SEC11A: variants seen among roughly 807,000 people sequenced by gnomAD.
The protein encoded by SEC11A is SEC11 homolog A, signal peptidase complex subunit, also known as signal peptidase complex catalytic subunit SEC11A.
Under a neutral mutation model 25.6 loss-of-function variants are expected in SEC11A, and 14 were observed. That is an observed-to-expected ratio of 0.55 (90% CI 0.36 to 0.85). The LOEUF is 0.85. Ranked by LOEUF, SEC11A falls within the 40% of genes least tolerant of loss-of-function variation. The pLI, the probability that SEC11A is intolerant of heterozygous loss-of-function variation, is 0.01. For missense variants in SEC11A, 153 were observed against 222.9 expected (o/e 0.69, Z 2.00); for synonymous variants, 83 against 76.4 (o/e 1.09, Z -0.45).
At chr15:84,713,720 A>G (rs1898362814) in intron 1 of SEC11A, among the ~76,000 whole-genome samples, 1 of 152,210 alleles carries the variant, frequency 6.6e-6, no homozygotes, top group African/African-American at 2.4e-5. Flanking sequence ...TAGAGCAGGA[A>G]GAGTACCTTA....
chr15:84,690,220 A>G (rs958059885), intron 2 of SEC11A, among the ~76,000 whole-genome samples: 1 of 152,166 alleles, frequency 6.6e-6, no homozygotes, highest in Admixed American at 6.6e-5. Context: ...TTCTAGTAAC[A>G]GTGAATAAGT....
chr15:84,699,244 G>A (rs1897853106), intron 1 of SEC11A, among the ~76,000 whole-genome samples: 1 of 150,292 alleles, frequency 6.7e-6, no homozygotes, highest in South Asian at 2.1e-4. Flanking sequence ...GAACCTGGGA[G>A]GCAGAGGTTG....
chr15:84,680,415 T>C (rs540592611), intron 4 of SEC11A, among the ~76,000 whole-genome samples: 1 of 152,276 alleles, frequency 6.6e-6, no homozygotes, highest in Admixed American at 6.5e-5. Context: ...AGGTGCCCAC[T>C]ATTTCTTGAG....
intron 1 of SEC11A, among the ~76,000 whole-genome samples, chr15:84,715,541 C>T (rs1481925591): frequency 1.3e-5 from 2 of 152,168 alleles, no homozygotes; most frequent in Non-Finnish European, 2.9e-5. Flanking sequence ...CAGCCCGCTA[C>T]GGTTCAGCTC....
chr15:84,695,422 C>T (rs1294833022), intron 1 of SEC11A, among the ~76,000 whole-genome samples: 1 of 151,194 alleles, frequency 6.6e-6, no homozygotes, highest in African/African-American at 2.4e-5. Context: ...GAGATCGCAC[C>T]ATTGCACTCC....
At position 84,691,659 on chromosome 15, in the gene SEC11A, C is replaced by A; in HGVS notation, c.52-15G>T. ...TGATAATAGAGCTGCAAGAACAAAA[C>A]AGAAGAGATCAGATCCACCATTATC... On this transcript the variant is annotated splice_polypyrimidine_tract_variant and intron_variant, in intron 1 of 5. Coordinates refer to ENST00000268220, the MANE Select transcript of SEC11A (RefSeq NM_014300.4). The A allele has an allele frequency of 7.1e-7, 1 of 1,404,846 alleles. No individual in the cohort carries two copies. Among genetic ancestry groups the A allele is most frequent in the South Asian group, 1.2e-5 (1 of 86,062 alleles). 87.0% of individuals were successfully genotyped at this position (1,404,846 alleles called of 1,614,324 possible).
chr15:84,690,295 C>T (rs1370084455), intron 2 of SEC11A, among the ~76,000 whole-genome samples: 3 of 152,130 alleles, frequency 2.0e-5, no homozygotes, highest in Admixed American at 6.6e-5. Context: ...TCTTGTCTGC[C>T]GCCATGTGAG....
chr15:84,703,432 C>T (rs954684850), intron 1 of SEC11A, among the ~76,000 whole-genome samples: 2 of 152,208 alleles, frequency 1.3e-5, no homozygotes, highest in African/African-American at 2.4e-5. Flanking sequence ...ACCCTGCTTC[C>T]TCTCTCATCT....
intron 1 of SEC11A, among the ~76,000 whole-genome samples, chr15:84,692,816 C>T (rs1897648511): frequency 6.6e-6 from 1 of 152,114 alleles, no homozygotes; most frequent in Non-Finnish European, 1.5e-5. Context: ...AGGACTGAAA[C>T]TGTGGATCTA....
intron 4 of SEC11A, chr15:84,671,839 G>A (rs1269127410): frequency 1.3e-5 from 2 of 152,048 alleles, no homozygotes; most frequent in Admixed American, 6.6e-5. Context: ...TTTCTCCCAG[G>A]GCTTAAATTC....
intron 3 of SEC11A, among the ~76,000 whole-genome samples, chr15:84,683,958 G>A (rs1475475207): frequency 1.3e-5 from 2 of 152,140 alleles, no homozygotes; most frequent in African/African-American, 4.8e-5. Flanking sequence ...TACTTCTAGG[G>A]AGATCAAAGA....
At chr15:84,703,749 A>G (rs1162302135) in intron 1 of SEC11A, among the ~76,000 whole-genome samples, 1 of 152,216 alleles carries the variant, frequency 6.6e-6, no homozygotes, top group African/African-American at 2.4e-5. Flanking sequence ...AGGGGACATC[A>G]CTGGAAAGTT....
intron 3 of SEC11A, 119 bp downstream of exon 3, chr15:84,687,506 G>T: frequency 1.5e-6 from 1 of 670,000 alleles, no homozygotes; most frequent in Non-Finnish European, 2.3e-6. Context: ...CATAAAAATG[G>T]ACTGGAAGAA....
chr15:84,670,257 TC>T (rs369173649), intron 5 of SEC11A, 188 bp from the exon 6 acceptor site: 17 of 470,246 alleles, frequency 3.6e-5, no homozygotes, highest in South Asian at 6.4e-5. Flanking sequence ...TAAATAATTT[TC>T]TTTTTTTTTT....
intron 2 of SEC11A, among the ~76,000 whole-genome samples, chr15:84,689,533 C>T (rs1195345195): frequency 6.6e-6 from 1 of 151,726 alleles, no homozygotes; most frequent in Non-Finnish European, 1.5e-5. Flanking sequence ...AATATGCACT[C>T]CATTATCTCC....
At chr15:84,671,217 G>A (rs531061420) in intron 4 of SEC11A, 1 of 152,824 alleles carries the variant, frequency 6.5e-6, no homozygotes, top group African/African-American at 2.4e-5. Context: ...GAGTGTAAGA[G>A]CTCATTATAG....
chr15:84,669,868 C>G lies in SEC11A; in HGVS notation c.*151G>C. ...GCACATGCGCCCGCCCACACAAACT[C>G]TGGCATGGAAACATAAACTAATGCA... On this transcript the variant is annotated 3_prime_UTR_variant, in exon 6 of 6. Transcript: ENST00000268220. 1 of 1,461,072 alleles carries G rather than the reference C, an allele frequency of 6.8e-7. No homozygotes were observed. The highest frequency in any genetic ancestry group is 9.3e-7 in the Non-Finnish European group (1 of 1,074,344). The allele number at this position is 1,461,072 out of a possible 1,614,324, so 90.5% of individuals were successfully genotyped here.
chr15:84,680,126 G>A (rs145967037), intron 4 of SEC11A, among the ~76,000 whole-genome samples: 29 of 150,428 alleles, frequency 1.9e-4, no homozygotes, highest in Admixed American at 3.3e-4. Context: ...TAAATATAAC[G>A]CCATCTCTAC....
intron 1 of SEC11A, among the ~76,000 whole-genome samples, chr15:84,708,583 G>A (rs1361373438): frequency 6.6e-6 from 1 of 151,994 alleles, no homozygotes; most frequent in Non-Finnish European, 1.5e-5. Flanking sequence ...CTAGGCAACA[G>A]GGCGAAATCT....
Sources: allele counts gnomAD v4.1 joint callset (sites outside exome capture counted in the v4.1 genomes callset), GRCh38; gene constraint gnomAD v4.1.1; transcripts MANE v1.5; gene names NCBI Gene and HGNC (gene_info 2026-07-23, HGNC 2026-07-21).